ANKRD26: variants seen among roughly 807,000 people sequenced by gnomAD.
The protein encoded by ANKRD26 is ankyrin repeat domain 26, also known as ankyrin repeat domain-containing protein 26.
A neutral mutation model predicts 208.7 loss-of-function variants in ANKRD26; 141 were observed. The observed-to-expected ratio is 0.68, with a 90% CI of 0.59 to 0.78. The LOEUF is 0.78. Among genes scored for constraint, ANKRD26 ranks in the 30% least tolerant of loss-of-function variants. The probability of loss-of-function intolerance (pLI) is 0.00; values close to 1 mark genes in which losing one functional copy is unlikely to be tolerated. For missense variants in ANKRD26, 1,889 were observed against 1,938.7 expected, an observed-to-expected ratio of 0.97 and a Z score of 0.48; for synonymous variants, 636 against 660.4, an observed-to-expected ratio of 0.96 and a Z score of 0.57.
intron 5 of ANKRD26, 147 bp from the exon 6 acceptor site, chr10:27,082,980 T>C: frequency 8.4e-7 from 1 of 1,192,932 alleles, no homozygotes; most frequent in East Asian, 2.8e-5. Flanking sequence ...CTATAAATAT[T>C]CCATTATACT....
intron 11 of ANKRD26, 76 bp from the exon 12 acceptor site, chr10:27,064,157 C>T (rs2055159877): frequency 9.2e-7 from 1 of 1,087,524 alleles, no homozygotes; most frequent in Admixed American, 2.1e-5. Flanking sequence ...TAATCACTTT[C>T]AAATATAATA....
intron 4 of ANKRD26, among the ~76,000 whole-genome samples, chr10:26,998,851 A>C (rs745900128): frequency 3.9e-5 from 6 of 152,158 alleles, no homozygotes; most frequent in Non-Finnish European, 7.4e-5. Context: ...AGTGAGTAGC[A>C]GTCGAGGAGG....
chr10:27,018,518 T>G (rs1219778729), intron 29 of ANKRD26, among the ~76,000 whole-genome samples: 1 of 152,142 alleles, frequency 6.6e-6, no homozygotes, highest in Non-Finnish European at 1.5e-5. Context: ...GCTCCCAGAA[T>G]AAGACTTTTA....
At chr10:27,044,696 T>C (rs2054380548) in intron 18 of ANKRD26, among the ~76,000 whole-genome samples, 1 of 152,174 alleles carries the variant, frequency 6.6e-6, no homozygotes. Context: ...CTAAGCACTG[T>C]ACATATATTA....
rs2056146032 is a variant in ANKRD26 at position 27,086,963 on chromosome 10, A to G, written c.639-354T>C. 2.6e-5 allele frequency among the ~76,000 whole-genome samples: 4 copies of G among 151,960 alleles called. No homozygotes were observed. In the South Asian group the frequency reaches 8.3e-4, roughly 32 times the overall value. On this transcript the variant is annotated intron_variant, in intron 4 of 33. Transcript: ENST00000376087. ...ATTTTTTTGTATTTTTAGTAGAGAC[A>G]GGGTTTCACCATGTTGGCCAGGCTG...
intron 9 of ANKRD26, among the ~76,000 whole-genome samples, chr10:27,071,421 G>T (rs563601851): frequency 1.6e-3 from 244 of 151,296 alleles, no homozygotes; most frequent in African/African-American, 5.6e-3. Context: ...TGATCCGCCC[G>T]CCTCGGCTTG....
In ANKRD26 at chr10:27,033,263, G is replaced by T; in HGVS notation, c.3769C>A (p.Gln1257Lys). The T allele has an allele frequency of 6.2e-7, 1 of 1,612,054 alleles. No individual in the cohort carries two copies. The highest frequency in any genetic ancestry group is 2.2e-5 in the East Asian group (1 of 44,748). ...TGACCTAATTTCTTCTTTAAATCCT[G>T]TGTCTCATCTTCTAAATTAATACGA... Reference protein sequence around the residue: ...RYRINLEDETQDLKKKLGQIR... With the variant: ...RYRINLEDETKDLKKKLGQIR... The change falls in exon 25 of 34, where the codon CAG becomes AAG. Residue 1257 changes from glutamine to lysine, a missense_variant. Around this residue, in one of 3 missense-constraint regions of ANKRD26, gnomAD observed 613 missense variants for 648.2 expected, o/e 0.95. Coordinates refer to ENST00000376087, the MANE Select transcript of ANKRD26 (RefSeq NM_014915.3).
chr10:27,093,525 G>A lies in ANKRD26; in HGVS notation c.358-3C>T. The A allele has an allele frequency of 6.2e-7, 1 of 1,614,082 alleles. No homozygotes were observed. The highest frequency in any genetic ancestry group is 1.1e-5 in the South Asian group (1 of 91,086). On this transcript the variant is annotated splice_region_variant and splice_polypyrimidine_tract_variant and intron_variant, in intron 2 of 33. Coordinates refer to ENST00000376087, the MANE Select transcript of ANKRD26 (RefSeq NM_014915.3). ...TTCTCTTCCTGGCATTGTACAGCCT[G>A]GGAGTATTAGACCAAGAAACAGATC...
At position 27,005,214 on chromosome 10, in the gene ANKRD26, A is replaced by G; in HGVS notation, c.*376T>C. 1 of 1,000,510 alleles carries G rather than the reference A, an allele frequency of 1.0e-6. No individual in the cohort carries two copies. The highest frequency in any genetic ancestry group is 1.2e-6 in the Non-Finnish European group (1 of 839,618). 62.0% of individuals were successfully genotyped at this position (1,000,510 alleles called of 1,614,324 possible). A position where few individuals can be genotyped will look rare whatever the true frequency, so the allele number is the denominator to read the frequency against. On this transcript the variant is annotated 3_prime_UTR_variant, in exon 34 of 34. Coordinates refer to ENST00000376087, the MANE Select transcript of ANKRD26 (RefSeq NM_014915.3). ...ATACATCCAAACATGAACAATGACC[A>G]CAGTTCCTGCACAACAAAATGATGT...
At chr10:27,049,053 T>G in intron 16 of ANKRD26, 74 bp from the exon 17 acceptor site, 1 of 1,302,638 alleles carries the variant, frequency 7.7e-7, no homozygotes, top group Non-Finnish European at 1.1e-6. Context: ...TCATTGAGTT[T>G]ATCATTTGAC....
At chr10:27,070,168 GC>G (rs1426079761) in intron 9 of ANKRD26, among the ~76,000 whole-genome samples, 1 of 150,496 alleles carries the variant, frequency 6.6e-6, no homozygotes, top group Non-Finnish European at 1.5e-5. Context: ...ACTTTGGGAG[GC>G]TGAGGTGGGC....
chr10:27,030,194 T>C (rs2053818266), intron 25 of ANKRD26, among the ~76,000 whole-genome samples: 1 of 152,240 alleles, frequency 6.6e-6, no homozygotes, highest in Admixed American at 6.5e-5. Flanking sequence ...CACTGAATCA[T>C]TCTTCACACC....
rs1319007967 is a variant in ANKRD26 at position 27,094,878 on chromosome 10, T to G, written c.243-1079A>C. On this transcript the variant is annotated intron_variant, in intron 1 of 33. Coordinates refer to ENST00000376087, the MANE Select transcript of ANKRD26 (RefSeq NM_014915.3). ...AGCCAGGCATGGTGGTGAACACCTG[T>G]GGTCCCAGCTACTCAGGAGGCTAAG... Among the ~76,000 whole-genome samples, 8 of 151,992 alleles carry G rather than the reference T, an allele frequency of 5.3e-5. No homozygotes were observed. In the South Asian group the frequency reaches 1.7e-3, roughly 32 times the overall value.
rs760174284 is a variant in ANKRD26, at chr10:27,037,921, G to A, written c.2509C>T (p.Leu837Phe). The stretch of plus-strand genomic sequence containing the variant: ...CTCAATTCCATCTCCAGTGTTTGGA[G>A]ACTCAGTTCAAGCTGTTGTTTCACT... ...VEVKQQLELS[L>F]QTLEMELRTV... The change falls in exon 22 of 34, where the codon CTC becomes TTC. Residue 837 changes from leucine to phenylalanine, a missense_variant. Coordinates refer to ENST00000376087, the MANE Select transcript of ANKRD26 (RefSeq NM_014915.3). 6.2e-7 allele frequency: 1 copy of A among 1,613,250 alleles called. No homozygotes were observed. Among genetic ancestry groups the A allele is most frequent in the Non-Finnish European group, 8.5e-7 (1 of 1,179,734 alleles).
chr10:26,956,393 A>G, the ANKRD26 span, among the ~76,000 whole-genome samples: 3,604 of 152,278 alleles, frequency 0.024, 148 homozygotes, highest in African/African-American at 0.081. Flanking sequence ...AGTATGGTAC[A>G]TCTCTTATGA....
rs117937107 is a variant in ANKRD26 at position 27,036,854 on chromosome 10, C to T, written c.2697+332G>A. Among the ~76,000 whole-genome samples the T allele has an allele frequency of 8.8e-3, 1,338 of 152,234 alleles. 9 individuals are homozygous for T. The highest frequency in any genetic ancestry group is 0.024 in the Middle Eastern group (7 of 294). On this transcript the variant is annotated intron_variant, in intron 23 of 33. Coordinates refer to ENST00000376087, the MANE Select transcript of ANKRD26 (RefSeq NM_014915.3). ...TTAATATATCAAGGTGATGAAATCA[C>T]TTCCAAAATCTCAAGCATCTATTGT...
intron 1 of ANKRD26, among the ~76,000 whole-genome samples, chr10:27,097,599 T>C (rs1168209779): frequency 6.0e-5 from 7 of 115,826 alleles, no homozygotes; most frequent in Admixed American, 2.7e-4. Flanking sequence ...TCTTATAAAG[T>C]AGAGTAATTC....
downstream of ANKRD26, among the ~76,000 whole-genome samples, chr10:26,990,240 G>A (rs1248105592): frequency 6.6e-6 from 1 of 152,162 alleles, no homozygotes; most frequent in Non-Finnish European, 1.5e-5. Flanking sequence ...TTCACTAGAA[G>A]TATTTTGCAA....
At chr10:27,077,783 T>C in intron 7 of ANKRD26, 90 bp from the exon 8 acceptor site, 1 of 1,146,728 alleles carries the variant, frequency 8.7e-7, no homozygotes, top group Non-Finnish European at 1.3e-6. Flanking sequence ...CATTACTACA[T>C]GATCTAACAC....
Sources: gnomAD v4.1 joint callset for allele counts (sites outside exome capture counted in the v4.1 genomes callset) on GRCh38, gnomAD v4.1.1 for gene constraint, gnomAD v4.1.1 regional missense constraint, MANE v1.5 for transcripts, NCBI Gene and HGNC (gene_info 2026-07-23, HGNC 2026-07-21) for gene names.